Variants in CDHR1 observed in about 807,000 individuals in gnomAD.
CDHR1 encodes the protein cadherin related family member 1, also known as cadherin-related family member 1.
Under a neutral mutation model 72.1 loss-of-function variants are expected in CDHR1, and 61 were observed. That is an observed-to-expected ratio of 0.85 (90% CI 0.69 to 1.05). The LOEUF is 1.05. Ranked by LOEUF, CDHR1 falls within the 50% of genes least tolerant of loss-of-function variation. CDHR1 has a pLI of 0.00. For synonymous variants in CDHR1, 470 were observed against 448.1 expected (o/e 1.05, Z -0.62); for missense variants, 1,186 against 1,115.7 (o/e 1.06, Z -0.90).
Position 84,215,209 on chromosome 10 carries a change from A to C in CDHR1, c.*588A>C, listed in dbSNP as rs1842407850. On this transcript the variant is annotated 3_prime_UTR_variant, in exon 17 of 17. Coordinates refer to ENST00000623527, the MANE Select transcript of CDHR1 (RefSeq NM_033100.4). ...TGACTGTGGGACTGTGCCAGGATGCATTTGGAAAGATAGAGCATTCTGTCT... is the reference window on the plus strand; with the variant it reads ...TGACTGTGGGACTGTGCCAGGATGCCTTTGGAAAGATAGAGCATTCTGTCT... 1 of 994,994 alleles carries C rather than the reference A, an allele frequency of 1.0e-6. No individual in the cohort carries two copies. Among genetic ancestry groups the C allele is most frequent in the Non-Finnish European group, 1.2e-6 (1 of 835,450 alleles). 61.6% of individuals were successfully genotyped at this position (994,994 alleles called of 1,614,324 possible).
chr10:84,196,851 A>G (rs921242115), intron 3 of CDHR1, among the ~76,000 whole-genome samples: 1 of 152,134 alleles, frequency 6.6e-6, no homozygotes, highest in African/African-American at 2.4e-5. Flanking sequence ...CTCCTCCTTC[A>G]CACAGAGCGA....
In CDHR1 at chr10:84,214,089, CCCGGAG is replaced by C. The variant is rs760555697; in HGVS notation, c.2051_2056del (p.Arg684_Ser685del). The C allele has an allele frequency of 2.5e-6, 4 of 1,614,216 alleles. No homozygotes were observed. The highest frequency in any genetic ancestry group is 3.4e-6 in the Non-Finnish European group (4 of 1,180,046). The stretch of plus-strand genomic sequence containing the variant: ...AGTGGCTTTCTCTTTCAGACCCTCT[CCCGGAG>C]CCCCATGGCTGCCTTCCTGATACAG... On this transcript the variant is annotated inframe_deletion, in exon 17 of 17. Transcript: ENST00000623527.
chr10:84,216,107 A>G lies in CDHR1; in HGVS notation c.*1486A>G. 1.0e-6 allele frequency: 1 copy of G among 985,446 alleles called. No homozygotes were observed. The highest frequency in any genetic ancestry group is 1.2e-6 in the Non-Finnish European group (1 of 829,948). 61.0% of individuals were successfully genotyped at this position (985,446 alleles called of 1,614,324 possible). A position where few individuals can be genotyped will look rare whatever the true frequency, so the allele number is the denominator to read the frequency against. On this transcript the variant is annotated 3_prime_UTR_variant, in exon 17 of 17. Transcript: ENST00000623527. ...AATAGGTTGTGCCCTGCTTTAAGGAACCTGCTATCAGGAAATCTACATGTG... is the reference window on the plus strand; with the variant it reads ...AATAGGTTGTGCCCTGCTTTAAGGAGCCTGCTATCAGGAAATCTACATGTG...
At position 84,201,916 on chromosome 10, in the gene CDHR1, C is replaced by T. The variant is rs1247853396; in HGVS notation, c.635C>T (p.Ala212Val). ...RSRTHYITVV[A>V]KDGGGRLHGA... ...CGGACCCACTACATCACCGTGGTCG[C>T]CAAGGTAACACAGCAGGACAGGGGA... Residue 212 changes from alanine (A) to valine (V), a missense_variant, in exon 7 of 17, where the codon GCC becomes GTC. Physicochemically the swap from Ala to Val is moderately conservative, Grantham distance 64. Coordinates refer to ENST00000623527, the MANE Select transcript of CDHR1 (RefSeq NM_033100.4). 1 of 1,603,100 alleles carries T rather than the reference C, an allele frequency of 6.2e-7. No homozygotes were observed. The highest frequency in any genetic ancestry group is 1.3e-5 in the African/African-American group (1 of 74,908).
Position 84,214,680 on chromosome 10 carries a change from C to T in CDHR1, c.*59C>T, listed in dbSNP as rs573699308. On this transcript the variant is annotated 3_prime_UTR_variant, in exon 17 of 17. Coordinates refer to ENST00000623527, the MANE Select transcript of CDHR1 (RefSeq NM_033100.4). ...CCCTGACCCCCACCACCCTGCTGCT[C>T]GGACTATGCTCCCCTTCCTCTGCTC... The T allele has an allele frequency of 7.6e-5, 122 of 1,596,540 alleles. No homozygotes were observed. In the African/African-American group the frequency reaches 1.2e-3, roughly 16 times the overall value.
At chr10:84,204,472 G>T in intron 8 of CDHR1, 55 bp from the exon 9 acceptor site, 1 of 1,207,194 alleles carries the variant, frequency 8.3e-7, no homozygotes, top group African/African-American at 1.5e-5. Flanking sequence ...ATTGTTTGGG[G>T]AGGGGAGGGT....
At chr10:84,204,058 C>G (rs187577719) in intron 8 of CDHR1, among the ~76,000 whole-genome samples, 257 of 152,330 alleles carry the variant, frequency 1.7e-3, no homozygotes, top group Middle Eastern at 3.4e-3. Flanking sequence ...CAAACCCTTC[C>G]AGCAGCACCA....
At chr10:84,197,988 G>A (rs905093542) in intron 4 of CDHR1, 152 bp downstream of exon 4, 1 of 739,400 alleles carries the variant, frequency 1.4e-6, no homozygotes, top group Non-Finnish European at 2.4e-6. Context: ...GCCCACAGGA[G>A]AGGGCTGCAG....
intron 14 of CDHR1, 65 bp from the exon 15 acceptor site, chr10:84,212,114 C>A: frequency 7.3e-7 from 1 of 1,362,180 alleles, no homozygotes; most frequent in Non-Finnish European, 1.0e-6. Context: ...TTATTGCAGG[C>A]ATGTGTATGT....
intron 16 of CDHR1, among the ~76,000 whole-genome samples, chr10:84,213,751 TCTC>T (rs60566829): frequency 0.029 from 4,419 of 152,182 alleles, 197 homozygotes; most frequent in African/African-American, 0.098. Context: ...AGGCAAGTGA[TCTC>T]CTACCATCTC....
Position 84,208,281 on chromosome 10 carries a change from C to G in CDHR1, c.1071C>G (p.Ser357Arg), listed in dbSNP as rs146588811. Residue 357 changes from serine (S) to arginine (R), a missense_variant, in exon 11 of 17, where the codon AGC becomes AGG. Ser to Arg is a moderately radical substitution (Grantham distance 110). Coordinates refer to ENST00000623527, the MANE Select transcript of CDHR1 (RefSeq NM_033100.4). ...ACCCGCCAACATTCTATGGAGAGAG[C>G]GGACCCCAAAACAGGTTTGAGCTGT... ...NNHPPTFYGE[S>R]GPQNRFELSM... The G allele has an allele frequency of 1.2e-6, 2 of 1,614,146 alleles. No individual in the cohort carries two copies. Among genetic ancestry groups the G allele is most frequent in the Middle Eastern group, 1.6e-4 (1 of 6,062 alleles).
chr10:84,197,563 A>G (rs562698777), intron 3 of CDHR1, among the ~76,000 whole-genome samples: 1 of 152,108 alleles, frequency 6.6e-6, no homozygotes, highest in East Asian at 1.9e-4. Flanking sequence ...GTTTATAAGA[A>G]CCCCGGACAC....
chr10:84,201,362 G>C (rs568629309), intron 6 of CDHR1, among the ~76,000 whole-genome samples: 27 of 152,156 alleles, frequency 1.8e-4, no homozygotes, highest in African/African-American at 4.6e-4. Context: ...CCTCTCCCCC[G>C]ATGCCAGGCT....
intron 3 of CDHR1, 53 bp downstream of exon 3, chr10:84,196,703 G>C (rs955403570): frequency 1.9e-6 from 3 of 1,608,202 alleles, no homozygotes; most frequent in Non-Finnish European, 2.6e-6. Flanking sequence ...GACAGACCTC[G>C]GTGGGCTGAA....
At chr10:84,219,388 C>G, downstream of CDHR1, 2 of 1,447,742 alleles carry the variant, frequency 1.4e-6, no homozygotes, top group South Asian at 3.0e-5. Flanking sequence ...TCCTGGCTCT[C>G]CCCTGCACTG....
At chr10:84,209,456 C>T (rs1384140252) in intron 12 of CDHR1, among the ~76,000 whole-genome samples, 1 of 152,010 alleles carries the variant, frequency 6.6e-6, no homozygotes, top group Non-Finnish European at 1.5e-5. Flanking sequence ...TAAAAGCAAT[C>T]CATGAAATTA....
Position 84,214,253 on chromosome 10 carries a change from C to T in CDHR1, c.2212C>T (p.Arg738Trp), listed in dbSNP as rs781596488. 4 of 1,613,534 alleles carry T rather than the reference C, an allele frequency of 2.5e-6. No individual in the cohort carries two copies. Among genetic ancestry groups the T allele is most frequent in the Non-Finnish European group, 3.4e-6 (4 of 1,179,990 alleles). ...GTCTAACAAGGTCCTGCCAATGCGG[C>T]GGGTGCTCCGCAAGCGGCCCAGCCC... ...KKSNKVLPMR[R>W]VLRKRPSPAP... The change falls in exon 17 of 17, where the codon CGG becomes TGG. Residue 738 changes from arginine to tryptophan, a missense_variant. Coordinates refer to ENST00000623527, the MANE Select transcript of CDHR1 (RefSeq NM_033100.4).
chr10:84,207,662 A>G lies in CDHR1; in HGVS notation c.964-512A>G, dbSNP rs1842250821. Among the ~76,000 whole-genome samples, 5 of 152,298 alleles carry G rather than the reference A, an allele frequency of 3.3e-5. 1 individual carries two copies. In the South Asian group the frequency reaches 1.0e-3, roughly 32 times the overall value. On this transcript the variant is annotated intron_variant, in intron 10 of 16. Transcript: ENST00000623527. The stretch of plus-strand genomic sequence containing the variant: ...CTAATTACCCCAAACTTAGTGGCTT[A>G]AAACAATACACATTCATATCTCATA...
chr10:84,204,101 C>T (rs1177790061), intron 8 of CDHR1, among the ~76,000 whole-genome samples: 1 of 152,186 alleles, frequency 6.6e-6, no homozygotes, highest in Admixed American at 6.5e-5. Context: ...AATTCTGGGA[C>T]CTCGCATTTG....
Sources: gnomAD v4.1 joint callset for allele counts (sites outside exome capture counted in the v4.1 genomes callset) on GRCh38, gnomAD v4.1.1 for gene constraint, MANE v1.5 for transcripts, NCBI Gene and HGNC (gene_info 2026-07-23, HGNC 2026-07-21) for gene names.